Variants in DLG2 observed in about 807,000 individuals in gnomAD.
DLG2 encodes disks large homolog 2.
Under a neutral mutation model 132.5 loss-of-function variants are expected in DLG2, and 45 were observed. The ratio of observed to expected loss-of-function variants is 0.34; its 90% CI spans 0.27 to 0.44. The LOEUF is 0.44. DLG2 is among the 20% of genes least tolerant of loss of function. The probability of loss-of-function intolerance (pLI) is 1.00; values close to 1 mark genes in which losing one functional copy is unlikely to be tolerated. For synonymous variants in DLG2, 424 were observed against 419.6 expected (o/e 1.01, Z -0.13); for missense variants, 1,045 against 1,196.9 (o/e 0.87, Z 1.87).
chr11:84,705,583 A>G (rs576564742), intron 6 of DLG2, among the ~76,000 whole-genome samples: 171 of 151,900 alleles, frequency 1.1e-3, no homozygotes, highest in African/African-American at 3.9e-3. Flanking sequence ...ATAGGTTACT[A>G]TGGGAATTAT....
At chr11:84,077,419 T>C (rs554708881) in intron 10 of DLG2, among the ~76,000 whole-genome samples, 3 of 152,348 alleles carry the variant, frequency 2.0e-5, no homozygotes, top group African/African-American at 7.2e-5. Flanking sequence ...CATTCCTTCC[T>C]TGAAACACTC....
At chr11:85,140,712 C>T (rs2076412728) in intron 5 of DLG2, among the ~76,000 whole-genome samples, 1 of 151,420 alleles carries the variant, frequency 6.6e-6, no homozygotes, top group Non-Finnish European at 1.5e-5. Flanking sequence ...ATTAACCATC[C>T]CCACTTTTCC....
chr11:83,597,815 A>AAACAAAC (rs151252207), intron 19 of DLG2, among the ~76,000 whole-genome samples: 4 of 132,428 alleles, frequency 3.0e-5, no homozygotes, highest in African/African-American at 1.2e-4. Context: ...ACAAACAAAC[A>AAACAAAC]AACACAAAAA....
chr11:83,786,828 A>C (rs1164985679), intron 17 of DLG2, 36 bp from the exon 18 acceptor site: 8 of 1,586,980 alleles, frequency 5.0e-6, no homozygotes, highest in Non-Finnish European at 5.2e-6. Flanking sequence ...TTGGTATTTC[A>C]TAAGGCATAT....
chr11:84,991,866 T>A (rs576852907), intron 6 of DLG2, among the ~76,000 whole-genome samples: 1 of 152,338 alleles, frequency 6.6e-6, no homozygotes, highest in South Asian at 2.1e-4. Context: ...ATGTTTGGAA[T>A]CTTTCAATAG....
intron 6 of DLG2, among the ~76,000 whole-genome samples, chr11:84,652,486 G>C (rs765643876): frequency 6.6e-6 from 1 of 150,826 alleles, no homozygotes; most frequent in Non-Finnish European, 1.5e-5. Flanking sequence ...CATGTTTAAA[G>C]AAGAAGGCAA....
chr11:85,042,989 GA>G (rs2062005601), intron 6 of DLG2, among the ~76,000 whole-genome samples: 1 of 151,658 alleles, frequency 6.6e-6, no homozygotes, highest in Non-Finnish European at 1.5e-5. Context: ...AGAATAATTT[GA>G]ACCATTTCAG....
At position 84,073,326 on chromosome 11, in the gene DLG2, T is replaced by C. The variant is rs959215768; in HGVS notation, c.750-13842A>G. On this transcript the variant is annotated intron_variant, in intron 10 of 27. Transcript: ENST00000376104. ...ACCCTAACAAACAAGCTATCATTCATAGGCATATTAGCATTAAGAAAAAAA... is the reference window on the plus strand; with the variant it reads ...ACCCTAACAAACAAGCTATCATTCACAGGCATATTAGCATTAAGAAAAAAA... Among the ~76,000 whole-genome samples, 6 of 151,704 alleles carry C rather than the reference T, an allele frequency of 4.0e-5. No homozygotes were observed. In the East Asian group the frequency reaches 9.6e-4, roughly 24 times the overall value.
intron 3 of DLG2, among the ~76,000 whole-genome samples, chr11:85,366,670 G>A (rs1375947182): frequency 6.6e-6 from 1 of 151,968 alleles, no homozygotes; most frequent in Admixed American, 6.6e-5. Flanking sequence ...AATTTTTGGG[G>A]GGTAGAGGAT....
At chr11:85,058,974 C>CTT (rs1363215076) in intron 6 of DLG2, among the ~76,000 whole-genome samples, 1 of 151,090 alleles carries the variant, frequency 6.6e-6, no homozygotes, top group Admixed American at 6.6e-5. Flanking sequence ...ACAAAAGGCA[C>CTT]TTTATCATTT....
chr11:83,958,293 CAG>C (rs562569800), intron 14 of DLG2, among the ~76,000 whole-genome samples: 56 of 152,286 alleles, frequency 3.7e-4, no homozygotes, highest in African/African-American at 1.3e-3. Flanking sequence ...CAGTAAGTGA[CAG>C]AGTCAAACTG....
intron 3 of DLG2, among the ~76,000 whole-genome samples, chr11:85,348,274 G>A (rs1223824174): frequency 6.6e-6 from 1 of 151,500 alleles, no homozygotes; most frequent in African/African-American, 2.4e-5. Flanking sequence ...CGAGGCTGGA[G>A]TGAAGTGGCA....
At chr11:83,984,912 A>G (rs1377473849) in intron 11 of DLG2, among the ~76,000 whole-genome samples, 4 of 152,162 alleles carry the variant, frequency 2.6e-5, no homozygotes, top group Non-Finnish European at 5.9e-5. Context: ...TGCACTACTG[A>G]ACACTAGAAA....
chr11:83,628,426 C>G (rs555919485), intron 19 of DLG2, among the ~76,000 whole-genome samples: 1 of 152,140 alleles, frequency 6.6e-6, no homozygotes, highest in African/African-American at 2.4e-5. Flanking sequence ...AAATGCTGCT[C>G]TACAATGTCT....
At chr11:83,607,105 A>T (rs2059462444) in intron 19 of DLG2, among the ~76,000 whole-genome samples, 2 of 152,196 alleles carry the variant, frequency 1.3e-5, no homozygotes, top group African/African-American at 4.8e-5. Context: ...TGACATACAG[A>T]AAACAGAAGT....
At chr11:84,294,100 G>A (rs1694094508) in intron 7 of DLG2, among the ~76,000 whole-genome samples, 1 of 152,130 alleles carries the variant, frequency 6.6e-6, no homozygotes, top group Admixed American at 6.5e-5. Context: ...CACAATAGGA[G>A]GTAAGTTCTA....
chr11:84,315,538 A>G (rs2098344307), intron 7 of DLG2, among the ~76,000 whole-genome samples: 1 of 152,212 alleles, frequency 6.6e-6, no homozygotes, highest in South Asian at 2.1e-4. Flanking sequence ...AAGAGTATAT[A>G]CAGTGTTCAC....
intron 6 of DLG2, among the ~76,000 whole-genome samples, chr11:84,916,210 G>C (rs982919570): frequency 2.0e-5 from 3 of 150,588 alleles, no homozygotes; most frequent in Admixed American, 1.3e-4. Context: ...TTAGCCGGGC[G>C]TAGTGGCGGG....
At chr11:85,311,088 T>C (rs955798299) in intron 3 of DLG2, among the ~76,000 whole-genome samples, 8 of 152,228 alleles carry the variant, frequency 5.3e-5, no homozygotes, top group Non-Finnish European at 1.2e-4. Context: ...TCAAATGTTA[T>C]ATAATACAAA....
Sources: gnomAD v4.1 joint callset for allele counts (sites outside exome capture counted in the v4.1 genomes callset) on GRCh38, gnomAD v4.1.1 for gene constraint, MANE v1.5 for transcripts, NCBI Gene and HGNC (gene_info 2026-07-23, HGNC 2026-07-21) for gene names.